AGBL1: variants seen among roughly 807,000 people sequenced by gnomAD.
AGBL1 encodes the protein AGBL carboxypeptidase 1, also known as cytosolic carboxypeptidase 4.
In AGBL1, 130 loss-of-function variants were observed where a neutral mutation model predicts 118.9. The observed-to-expected ratio is 1.09, with a 90% CI of 0.95 to 1.26. The LOEUF is 1.26. Among genes scored for constraint, AGBL1 ranks in the 50% most tolerant of loss-of-function variants. AGBL1 has a pLI of 0.00. For synonymous variants in AGBL1, 555 were observed against 478.9 expected, an observed-to-expected ratio of 1.16 and a Z score of -2.08; for missense variants, 1,584 against 1,298.1, an observed-to-expected ratio of 1.22 and a Z score of -3.38.
intron 23 of AGBL1, among the ~76,000 whole-genome samples, chr15:86,947,317 G>T (rs1596663115): frequency 6.6e-6 from 1 of 152,214 alleles, no homozygotes; most frequent in Non-Finnish European, 1.5e-5. Context: ...CCTGAAACCT[G>T]GCAAGCTTGT....
intron 16 of AGBL1, among the ~76,000 whole-genome samples, chr15:86,295,012 C>A (rs938443640): frequency 6.6e-6 from 1 of 152,132 alleles, no homozygotes; most frequent in African/African-American, 2.4e-5. Flanking sequence ...GCTTTCAGTG[C>A]AACTTGAAAA....
intron 1 of AGBL1, among the ~76,000 whole-genome samples, chr15:86,105,612 A>G (rs1270100441): frequency 2.0e-5 from 3 of 152,224 alleles, no homozygotes; most frequent in Non-Finnish European, 4.4e-5. Flanking sequence ...AGAAGAGGAG[A>G]ACAGCAGGAA....
At chr15:86,456,346 CT>C (rs1308199753) in intron 18 of AGBL1, among the ~76,000 whole-genome samples, 2 of 152,190 alleles carry the variant, frequency 1.3e-5, no homozygotes, top group African/African-American at 4.8e-5. Context: ...TCTTTTCCTT[CT>C]CTTGAAAATA....
intron 23 of AGBL1, among the ~76,000 whole-genome samples, chr15:86,985,784 T>C (rs1380099557): frequency 6.6e-6 from 1 of 152,238 alleles, no homozygotes; most frequent in Non-Finnish European, 1.5e-5. Context: ...GTTGCTGTTG[T>C]ATCTAAACTG....
chr15:86,235,668 C>A (rs1341093690), intron 6 of AGBL1, among the ~76,000 whole-genome samples: 3 of 151,296 alleles, frequency 2.0e-5, no homozygotes, highest in Non-Finnish European at 2.9e-5. Context: ...GTTTACAAAG[C>A]AGCTTTTCAT....
chr15:86,341,002 C>A (rs994216419), intron 17 of AGBL1, among the ~76,000 whole-genome samples: 1 of 152,180 alleles, frequency 6.6e-6, no homozygotes, highest in Non-Finnish European at 1.5e-5. Flanking sequence ...TCCTCTGATA[C>A]CACCCCAGTG....
intron 1 of AGBL1, 33 bp downstream of exon 1, chr15:86,080,056 C>G: frequency 8.1e-7 from 1 of 1,231,364 alleles, no homozygotes; most frequent in Non-Finnish European, 1.0e-6. Context: ...CAGAACCCGG[C>G]GGGCTGGGTG....
chr15:86,677,730 C>A (rs1314760122), intron 22 of AGBL1, among the ~76,000 whole-genome samples: 2 of 152,066 alleles, frequency 1.3e-5, no homozygotes, highest in Non-Finnish European at 2.9e-5. Flanking sequence ...AGCCTGGGCT[C>A]ACCTTAGTAT....
chr15:86,400,777 G>C (rs1231219996), intron 18 of AGBL1, among the ~76,000 whole-genome samples: 1 of 151,856 alleles, frequency 6.6e-6, no homozygotes, highest in African/African-American at 2.4e-5. Flanking sequence ...TTGCTGCAAA[G>C]GCCATTATTT....
At chr15:86,924,566 T>C (rs2080511854) in intron 23 of AGBL1, among the ~76,000 whole-genome samples, 1 of 152,132 alleles carries the variant, frequency 6.6e-6, no homozygotes, top group African/African-American at 2.4e-5. Context: ...CTCAGCTTAT[T>C]CTCTGTTTGG....
intron 17 of AGBL1, among the ~76,000 whole-genome samples, chr15:86,298,233 C>T (rs1031936064): frequency 6.6e-4 from 36 of 54,900 alleles, no homozygotes; most frequent in African/African-American, 2.6e-3. Context: ...ATACAGGGTA[C>T]GTGTCTGTGT....
chr15:86,519,381 T>C (rs949567151), intron 18 of AGBL1, among the ~76,000 whole-genome samples: 1 of 152,106 alleles, frequency 6.6e-6, no homozygotes, highest in South Asian at 2.1e-4. Context: ...TCTCCCCCCA[T>C]AGAAGGAGCA....
chr15:86,312,125 A>T (rs932768245), intron 17 of AGBL1: 1 of 152,240 alleles, frequency 6.6e-6, no homozygotes. Flanking sequence ...CCCAAAACAA[A>T]ACTTACAGTC....
At position 86,433,266 on chromosome 15, in the gene AGBL1, C is replaced by CTTTTTTTTTTTTTTT. The variant is rs59417397; in HGVS notation, c.2555+35733_2555+35747dup. The stretch of plus-strand genomic sequence containing the variant: ...TCTCCTCCTCCTCCTCCTCCTTCTT[C>CTTTTTTTTTTTTTTT]TTTTTTTTTTTTTTTTTTTTTTTTT... On this transcript the variant is annotated intron_variant, in intron 18 of 22. Transcript: ENST00000614907. Among the ~76,000 whole-genome samples, 214 of 74,870 alleles carry CTTTTTTTTTTTTTTT rather than the reference C, an allele frequency of 2.9e-3. 38 individuals carry two copies. Among genetic ancestry groups the CTTTTTTTTTTTTTTT allele is most frequent in the African/African-American group, 4.6e-3 (87 of 18,994 alleles). The allele number at this position is 74,870 out of a possible 152,430, so 49.1% of individuals were successfully genotyped here. A position where few individuals can be genotyped will look rare whatever the true frequency, so the allele number is the denominator to read the frequency against.
intron 17 of AGBL1, among the ~76,000 whole-genome samples, chr15:86,333,882 A>G (rs2080315534): frequency 6.6e-6 from 1 of 152,202 alleles, no homozygotes; most frequent in African/African-American, 2.4e-5. Flanking sequence ...GGTTCAACAT[A>G]TGCAAATCAA....
chr15:86,889,052 C>T (rs1424720360), intron 22 of AGBL1, among the ~76,000 whole-genome samples: 1 of 152,030 alleles, frequency 6.6e-6, no homozygotes, highest in African/African-American at 2.4e-5. Flanking sequence ...TATCTTTTAA[C>T]TTTTCAAAGG....
chr15:86,895,046 GTTCC>G (rs1436315561), intron 22 of AGBL1, among the ~76,000 whole-genome samples: 1 of 131,238 alleles, frequency 7.6e-6, no homozygotes, highest in Non-Finnish European at 1.7e-5. Flanking sequence ...ATCCCCTTTT[GTTCC>G]TTCTTTCTTT....
chr15:86,183,390 CA>C (rs1484025599), intron 5 of AGBL1, among the ~76,000 whole-genome samples: 1 of 152,062 alleles, frequency 6.6e-6, no homozygotes, highest in Non-Finnish European at 1.5e-5. Flanking sequence ...ACTTTATAAA[CA>C]GGGATAATGA....
Position 86,257,088 on chromosome 15 carries a change from G to A in AGBL1, c.901+70G>A, listed in dbSNP as rs1323410345. 5.5e-6 allele frequency: 8 copies of A among 1,465,998 alleles called. No homozygotes were observed. In the South Asian group the frequency reaches 9.2e-5, roughly 17 times the overall value. The allele number at this position is 1,465,998 out of a possible 1,614,324, so 90.8% of individuals were successfully genotyped here. ...TTTTGACCATGTTTCCCAGGAACAT[G>A]GGTGAAAATAGAATTCGTTATTTTA... On this transcript the variant is annotated intron_variant, in intron 8 of 22. Coordinates refer to ENST00000614907, the MANE Select transcript of AGBL1 (RefSeq NM_001386094.1).
Sources: allele counts gnomAD v4.1 joint callset (sites outside exome capture counted in the v4.1 genomes callset), GRCh38; gene constraint gnomAD v4.1.1; transcripts MANE v1.5; gene names NCBI Gene and HGNC (gene_info 2026-07-23, HGNC 2026-07-21).